TAFA2: variants seen among roughly 807,000 people sequenced by gnomAD.
The protein encoded by TAFA2 is TAFA chemokine like family member 2.
In TAFA2, 7 loss-of-function variants were observed where a neutral mutation model predicts 18.8. The observed-to-expected ratio is 0.37, with a 90% CI of 0.21 to 0.70. The LOEUF is 0.70. Ranked by LOEUF, TAFA2 falls within the 30% of genes least tolerant of loss-of-function variation. The probability of loss-of-function intolerance (pLI) is 0.53; values close to 1 mark genes in which losing one functional copy is unlikely to be tolerated. For missense variants in TAFA2, 122 were observed against 158.1 expected, an observed-to-expected ratio of 0.77 and a Z score of 1.23; for synonymous variants, 60 against 54.2, an observed-to-expected ratio of 1.11 and a Z score of -0.47.
At chr12:61,770,793 C>T (rs1033447597) in intron 2 of TAFA2, among the ~76,000 whole-genome samples, 4 of 151,984 alleles carry the variant, frequency 2.6e-5, no homozygotes, top group Non-Finnish European at 5.9e-5. Context: ...CTCCTTAAAG[C>T]ATAATTTCAC....
intron 2 of TAFA2, among the ~76,000 whole-genome samples, chr12:61,826,935 A>G (rs551558094): frequency 6.6e-6 from 1 of 152,222 alleles, no homozygotes; most frequent in East Asian, 1.9e-4. Flanking sequence ...TTACACTGAC[A>G]AAATGACCTA....
intron 1 of TAFA2, among the ~76,000 whole-genome samples, chr12:62,080,875 T>C (rs937830514): frequency 6.6e-6 from 1 of 152,196 alleles, no homozygotes; most frequent in African/African-American, 2.4e-5. Context: ...AAACCTTTGA[T>C]AAATGATCTA....
chr12:61,762,796 T>C (rs1461006851), intron 2 of TAFA2, among the ~76,000 whole-genome samples: 3 of 152,028 alleles, frequency 2.0e-5, no homozygotes, highest in Admixed American at 6.6e-5. Flanking sequence ...CAGTTCTTAT[T>C]TGCATTCTGA....
chr12:62,090,113 T>C (rs1220605713), intron 1 of TAFA2, among the ~76,000 whole-genome samples: 1 of 151,988 alleles, frequency 6.6e-6, no homozygotes, highest in Non-Finnish European at 1.5e-5. Context: ...CTAACATTAG[T>C]CTCCCTTGGT....
intron 1 of TAFA2, among the ~76,000 whole-genome samples, chr12:61,975,320 C>T (rs1247727130): frequency 6.6e-6 from 1 of 151,720 alleles, no homozygotes; most frequent in East Asian, 1.9e-4. Flanking sequence ...CTCACTTCCA[C>T]CCAACCTCTG....
At chr12:61,858,690 GAA>G (rs1039066471) in intron 2 of TAFA2, among the ~76,000 whole-genome samples, 1 of 145,670 alleles carries the variant, frequency 6.9e-6, no homozygotes, top group Non-Finnish European at 1.5e-5. Context: ...ACTGCTAAGT[GAA>G]AAAAAAAAGC....
In TAFA2 at chr12:61,829,264, C is replaced by T. The variant is rs117295606; in HGVS notation, c.106+38056G>A. ...ATCTGCTTTTAGGTTTGAGTGTTAG[C>T]CATGGATTTGAGAAGCTTGAACAGT... On this transcript the variant is annotated intron_variant, in intron 2 of 4. Transcript: ENST00000416284. 7.6e-3 allele frequency among the ~76,000 whole-genome samples: 1,146 copies of T among 151,710 alleles called. 6 individuals carry two copies. Among genetic ancestry groups the T allele is most frequent in the Non-Finnish European group, 0.012 (845 of 67,710 alleles).
intron 1 of TAFA2, among the ~76,000 whole-genome samples, chr12:62,074,642 G>A (rs937630088): frequency 4.6e-5 from 7 of 151,604 alleles, no homozygotes; most frequent in African/African-American, 1.2e-4. Context: ...AGTAGAATGC[G>A]AGCTTATAAA....
At chr12:62,156,444 G>C (rs1332104333) in intron 1 of TAFA2, among the ~76,000 whole-genome samples, 1 of 152,042 alleles carries the variant, frequency 6.6e-6, no homozygotes, top group African/African-American at 2.4e-5. Flanking sequence ...CCCACTACTA[G>C]GTATCTACCC....
intron 2 of TAFA2, among the ~76,000 whole-genome samples, chr12:61,851,217 A>G (rs1873629667): frequency 6.6e-6 from 1 of 152,232 alleles, no homozygotes; most frequent in Non-Finnish European, 1.5e-5. Flanking sequence ...CCATGGGACC[A>G]TATAACAGGG....
intron 1 of TAFA2, among the ~76,000 whole-genome samples, chr12:62,226,434 C>T (rs2062786972): frequency 6.6e-6 from 1 of 152,012 alleles, no homozygotes; most frequent in Non-Finnish European, 1.5e-5. Flanking sequence ...CCTGACCTCA[C>T]GATCCACCCT....
At chr12:62,123,646 T>C (rs1223522522) in intron 1 of TAFA2, among the ~76,000 whole-genome samples, 1 of 151,392 alleles carries the variant, frequency 6.6e-6, no homozygotes, top group African/African-American at 2.4e-5. Flanking sequence ...ATTCAAATGG[T>C]TAACACTTTA....
chr12:62,072,755 C>A (rs1240876601), intron 1 of TAFA2, among the ~76,000 whole-genome samples: 2 of 152,180 alleles, frequency 1.3e-5, no homozygotes, highest in Non-Finnish European at 2.9e-5. Flanking sequence ...CACTGCACTT[C>A]AGCCTGAGTG....
At chr12:61,986,384 G>A (rs1268449) in intron 1 of TAFA2, among the ~76,000 whole-genome samples, 1 of 150,444 alleles carries the variant, frequency 6.6e-6, no homozygotes, top group African/African-American at 2.4e-5. Flanking sequence ...GGCTGGTCTA[G>A]AACTCCTGAC....
intron 1 of TAFA2, among the ~76,000 whole-genome samples, chr12:62,177,880 G>C (rs1419979470): frequency 1.3e-5 from 2 of 151,614 alleles, no homozygotes; most frequent in Non-Finnish European, 3.0e-5. Context: ...ACTTTTGCCA[G>C]TTCTCACCAG....
At chr12:62,185,350 C>A (rs1320477401) in intron 1 of TAFA2, among the ~76,000 whole-genome samples, 2 of 152,134 alleles carry the variant, frequency 1.3e-5, no homozygotes, top group Non-Finnish European at 2.9e-5. Context: ...AAATGTGGAT[C>A]GTCTACCTCT....
chr12:61,724,788 T>C (rs565271792), intron 4 of TAFA2, among the ~76,000 whole-genome samples: 2 of 136,216 alleles, frequency 1.5e-5, no homozygotes, highest in South Asian at 4.3e-4. Flanking sequence ...TGTGTGTGTG[T>C]GTGTGTGTGT....
At chr12:61,821,860 T>G (rs1872336090) in intron 2 of TAFA2, among the ~76,000 whole-genome samples, 1 of 152,154 alleles carries the variant, frequency 6.6e-6, no homozygotes, top group African/African-American at 2.4e-5. Context: ...TGTAGAGTTT[T>G]TAGTTTATAA....
At chr12:62,201,943 C>T (rs1344812994) in intron 1 of TAFA2, among the ~76,000 whole-genome samples, 1 of 152,046 alleles carries the variant, frequency 6.6e-6, no homozygotes. Flanking sequence ...TTTAGGGATT[C>T]AAATTCTTTC....
Sources: allele counts gnomAD v4.1 joint callset (sites outside exome capture counted in the v4.1 genomes callset), GRCh38; gene constraint gnomAD v4.1.1; transcripts MANE v1.5; gene names NCBI Gene and HGNC (gene_info 2026-07-23, HGNC 2026-07-21).